Variants in CADM2 observed in about 807,000 individuals in gnomAD.
CADM2 encodes the protein immunoglobulin superfamily member 4D.
A neutral mutation model predicts 49.8 loss-of-function variants in CADM2; 12 were observed. The observed-to-expected ratio is 0.24, with a 90% CI of 0.15 to 0.39. The LOEUF (loss-of-function observed/expected upper bound fraction) is 0.39, where lower values mean the gene tolerates loss of function less well. Among genes scored for constraint, CADM2 ranks in the 10% least tolerant of loss-of-function variants. The pLI is 1.00. For missense variants in CADM2, 378 were observed against 492.3 expected, an observed-to-expected ratio of 0.77 and a Z score of 2.20; for synonymous variants, 214 against 175.4, an observed-to-expected ratio of 1.22 and a Z score of -1.74.
intron 1 of CADM2, among the ~76,000 whole-genome samples, chr3:85,487,757 C>CGT (rs891107767): frequency 6.7e-6 from 1 of 149,880 alleles, no homozygotes. Flanking sequence ...CGTGTGTGTG[C>CGT]GTGTGTGTGT....
chr3:85,245,459 C>T lies in CADM2; in HGVS notation c.61+285791C>T, dbSNP rs368651340. Among the ~76,000 whole-genome samples the T allele has an allele frequency of 1.8e-4, 28 of 151,728 alleles. No individual in the cohort carries two copies. In the East Asian group the frequency reaches 2.5e-3, roughly 14 times the overall value. ...CCCGGGAGGCGAAGCTTGCAGTGAG[C>T]CGAGATTGCACCACTGCACTCCAGC... On this transcript the variant is annotated intron_variant, in intron 1 of 9. Coordinates refer to ENST00000383699, the MANE Select transcript of CADM2 (RefSeq NM_001167675.2).
chr3:85,704,943 C>T (rs1028251582), intron 1 of CADM2, among the ~76,000 whole-genome samples: 2 of 150,572 alleles, frequency 1.3e-5, no homozygotes, highest in African/African-American at 4.9e-5. Flanking sequence ...ACTGCAAGCT[C>T]CGCCTCCCGG....
chr3:85,257,303 C>G (rs931844935), intron 1 of CADM2, among the ~76,000 whole-genome samples: 5 of 152,060 alleles, frequency 3.3e-5, no homozygotes, highest in African/African-American at 1.2e-4. Flanking sequence ...ATACTAATGT[C>G]TGAGTGTTTT....
rs527712367 is a variant in CADM2, at chr3:85,945,643, T to C, written c.791+9786T>C. On this transcript the variant is annotated intron_variant, in intron 7 of 9. Transcript: ENST00000383699. ...TTCAACATATGAAAATCAGTAAATG[T>C]AATCCAGCATATAAACAGAACCAAA... is the stretch of plus-strand genomic sequence containing the variant. Among the ~76,000 whole-genome samples, 3 of 152,256 alleles carry C rather than the reference T, an allele frequency of 2.0e-5. No individual in the cohort carries two copies. The East Asian group carries it at 5.8e-4, about 29-fold the overall frequency.
chr3:85,887,933 T>G (rs540175970), intron 5 of CADM2, among the ~76,000 whole-genome samples: 14 of 152,310 alleles, frequency 9.2e-5, no homozygotes, highest in Middle Eastern at 3.4e-3. Context: ...AGAATAAGTT[T>G]AAAATCTGCT....
intron 1 of CADM2, among the ~76,000 whole-genome samples, chr3:85,149,771 A>G (rs566935642): frequency 6.6e-6 from 1 of 152,324 alleles, no homozygotes; most frequent in East Asian, 1.9e-4. Flanking sequence ...GACACGTTTT[A>G]TTTTATTTTT....
At chr3:85,790,969 AT>A (rs2071287850) in intron 2 of CADM2, among the ~76,000 whole-genome samples, 2 of 152,196 alleles carry the variant, frequency 1.3e-5, no homozygotes, top group African/African-American at 4.8e-5. Context: ...GGCAGGCTGA[AT>A]TCAAATGGAT....
chr3:85,769,767 A>G (rs1273021385), intron 2 of CADM2, among the ~76,000 whole-genome samples: 1 of 150,800 alleles, frequency 6.6e-6, no homozygotes, highest in Non-Finnish European at 1.5e-5. Flanking sequence ...TTAACAGATG[A>G]CAATGCTTGG....
At chr3:85,947,756 C>G (rs906902485) in intron 7 of CADM2, among the ~76,000 whole-genome samples, 1 of 151,456 alleles carries the variant, frequency 6.6e-6, no homozygotes, top group Non-Finnish European at 1.5e-5. Flanking sequence ...ATCTCCACTG[C>G]TGTTATTTAG....
intron 1 of CADM2, among the ~76,000 whole-genome samples, chr3:85,251,627 T>C (rs953526076): frequency 6.6e-6 from 1 of 151,956 alleles, no homozygotes; most frequent in Non-Finnish European, 1.5e-5. Flanking sequence ...CATCTGAATT[T>C]TCATTCTTTC....
chr3:85,252,510 A>G (rs2107864496), intron 1 of CADM2, among the ~76,000 whole-genome samples: 1 of 152,144 alleles, frequency 6.6e-6, no homozygotes, highest in Non-Finnish European at 1.5e-5. Flanking sequence ...CTGTATGATA[A>G]CTAAGGCACT....
At chr3:85,679,935 A>G (rs1341250514) in intron 1 of CADM2, among the ~76,000 whole-genome samples, 2 of 152,206 alleles carry the variant, frequency 1.3e-5, no homozygotes, top group African/African-American at 4.8e-5. Context: ...AAGAATTCAG[A>G]TGATTTATAA....
At chr3:85,855,604 T>TATATATATAAAAC (rs1174578448) in intron 3 of CADM2, among the ~76,000 whole-genome samples, 26 of 39,236 alleles carry the variant, frequency 6.6e-4, no homozygotes, top group African/African-American at 2.3e-3. Context: ...ATATAAAACA[T>TATATATATAAAAC]ATATATATAT....
chr3:85,006,503 T>C (rs1399066326), intron 1 of CADM2, among the ~76,000 whole-genome samples: 1 of 152,188 alleles, frequency 6.6e-6, no homozygotes, highest in African/African-American at 2.4e-5. Flanking sequence ...TGGAGAAACA[T>C]TGAAATTACT....
intron 1 of CADM2, among the ~76,000 whole-genome samples, chr3:85,251,973 A>G (rs1439300442): frequency 6.6e-6 from 1 of 151,982 alleles, no homozygotes; most frequent in East Asian, 1.9e-4. Context: ...CATAATGGTC[A>G]ATATCTCCAC....
rs368931854 is a variant in CADM2, at chr3:85,224,826, C to T, written c.61+265158C>T. 1.8e-3 allele frequency among the ~76,000 whole-genome samples: 272 copies of T among 152,208 alleles called. 1 individual carries two copies. The highest frequency in any genetic ancestry group is 6.3e-3 in the African/African-American group (261 of 41,528). ...GTTTCAGCTTTCTGCATATGGCTAG[C>T]CAGTTTTCCCAACACCATTTATTAA... On this transcript the variant is annotated intron_variant, in intron 1 of 9. Coordinates refer to ENST00000383699, the MANE Select transcript of CADM2 (RefSeq NM_001167675.2).
intron 8 of CADM2, among the ~76,000 whole-genome samples, chr3:86,038,825 A>G (rs1336879608): frequency 1.3e-5 from 2 of 152,174 alleles, no homozygotes; most frequent in Non-Finnish European, 2.9e-5. Context: ...AAATTTGTTA[A>G]ATGATTTTCC....
chr3:85,768,439 C>A (rs2069782349), intron 2 of CADM2, among the ~76,000 whole-genome samples: 1 of 144,510 alleles, frequency 6.9e-6, no homozygotes, highest in Non-Finnish European at 1.5e-5. Context: ...GTGCGAGACT[C>A]CATCTCAAAA....
intron 6 of CADM2, among the ~76,000 whole-genome samples, chr3:85,921,760 C>G (rs1366978078): frequency 1.3e-5 from 2 of 151,752 alleles, no homozygotes; most frequent in African/African-American, 2.4e-5. Flanking sequence ...TGTTATCTCT[C>G]TCTCTCTCTC....
Sources: gnomAD v4.1 joint callset for allele counts (sites outside exome capture counted in the v4.1 genomes callset) on GRCh38, gnomAD v4.1.1 for gene constraint, MANE v1.5 for transcripts, NCBI Gene and HGNC (gene_info 2026-07-23, HGNC 2026-07-21) for gene names.